ACACA: variants seen among roughly 807,000 people sequenced by gnomAD.
The protein encoded by ACACA is acetyl-CoA carboxylase 1.
A neutral mutation model predicts 296.1 loss-of-function variants in ACACA; 103 were observed. The ratio of observed to expected loss-of-function variants is 0.35; its 90% CI spans 0.30 to 0.41. The LOEUF (loss-of-function observed/expected upper bound fraction) is 0.41. Ranked by LOEUF, ACACA falls within the 10% of genes least tolerant of loss-of-function variation. ACACA has a pLI of 1.00. For missense variants in ACACA, 1,554 were observed against 2,989.7 expected, an observed-to-expected ratio of 0.52 and a Z score of 11.20; for synonymous variants, 953 against 1,038.6, an observed-to-expected ratio of 0.92 and a Z score of 1.58.
At chr17:37,364,432 A>G (rs1011721803) in intron 1 of ACACA, among the ~76,000 whole-genome samples, 1 of 151,972 alleles carries the variant, frequency 6.6e-6, no homozygotes, top group African/African-American at 2.4e-5. Context: ...CATGTCTAGT[A>G]AAAGTACAAA....
chr17:37,155,795 T>C lies in ACACA; in HGVS notation c.5350-15A>G, dbSNP rs768182752. ...TACCTGTATCCCTGTGAAGCACAAA[T>C]AGTTTTTAACTCATTATTTGCCATT... On this transcript the variant is annotated splice_polypyrimidine_tract_variant and intron_variant, in intron 42 of 55. Transcript: ENST00000616317. 1.3e-6 allele frequency: 2 copies of C among 1,526,924 alleles called. No homozygotes were observed. The highest frequency in any genetic ancestry group is 2.2e-5 in the South Asian group (2 of 89,268). The allele number at this position is 1,526,924 out of a possible 1,614,324, so 94.6% of individuals were successfully genotyped here.
intron 24 of ACACA, among the ~76,000 whole-genome samples, chr17:37,236,769 G>A (rs1456008129): frequency 6.6e-6 from 1 of 152,262 alleles, no homozygotes. Context: ...AAGTTGCAGT[G>A]AGCAGAGATT....
chr17:37,111,382 C>T, intron 52 of ACACA, 149 bp downstream of exon 52: 1 of 726,888 alleles, frequency 1.4e-6, no homozygotes, highest in Non-Finnish European at 2.5e-6. Context: ...TTTCATTCTA[C>T]CAGGGTTCTT....
intron 24 of ACACA, among the ~76,000 whole-genome samples, chr17:37,236,481 T>TG (rs1462825285): frequency 6.6e-6 from 1 of 151,312 alleles, no homozygotes; most frequent in African/African-American, 2.4e-5. Flanking sequence ...CTTTCTTGTT[T>TG]TTTTTTTTTT....
intron 1 of ACACA, among the ~76,000 whole-genome samples, chr17:37,382,051 T>C (rs2050316853): frequency 6.6e-6 from 1 of 152,202 alleles, no homozygotes; most frequent in Admixed American, 6.5e-5. Context: ...CTTTTTTCTT[T>C]TAATAAATTC....
intron 48 of ACACA, 107 bp downstream of exon 48, chr17:37,125,591 G>C (rs752510865): frequency 8.4e-6 from 9 of 1,077,096 alleles, no homozygotes; most frequent in Non-Finnish European, 1.3e-5. Context: ...TTCTCAGACA[G>C]TTCAGACAAA....
At chr17:37,174,020 A>ATATT (rs552735515) in intron 41 of ACACA, among the ~76,000 whole-genome samples, 10 of 16,790 alleles carry the variant, frequency 6.0e-4, no homozygotes, top group Non-Finnish European at 6.9e-4. Context: ...ATATATATAT[A>ATATT]TTTTTTTTTT....
intron 3 of ACACA, among the ~76,000 whole-genome samples, chr17:37,288,220 CTTTT>C (rs2082881570): frequency 6.6e-6 from 1 of 151,956 alleles, no homozygotes; most frequent in South Asian, 2.1e-4. Context: ...TTCATACATT[CTTTT>C]TAATTTTTTT....
At chr17:37,358,453 C>CA (rs1287493354) in intron 1 of ACACA, among the ~76,000 whole-genome samples, 24 of 152,244 alleles carry the variant, frequency 1.6e-4, no homozygotes, top group African/African-American at 5.8e-4. Flanking sequence ...CAGGAACTGG[C>CA]AGATACAACC....
At chr17:37,106,776 A>G (rs1241340273) in intron 52 of ACACA, among the ~76,000 whole-genome samples, 1 of 151,888 alleles carries the variant, frequency 6.6e-6, no homozygotes, top group Non-Finnish European at 1.5e-5. Context: ...GGACCAAGAC[A>G]CATTCTGATG....
intron 24 of ACACA, among the ~76,000 whole-genome samples, chr17:37,238,952 G>A (rs568810551): frequency 1.3e-5 from 2 of 152,158 alleles, no homozygotes; most frequent in East Asian, 1.9e-4. Context: ...TCAGCCTCTT[G>A]AGTAGGTAGG....
intron 35 of ACACA, among the ~76,000 whole-genome samples, chr17:37,197,831 A>G (rs1320730692): frequency 6.6e-6 from 1 of 152,256 alleles, no homozygotes; most frequent in Non-Finnish European, 1.5e-5. Context: ...CTGCCATTCA[A>G]TTCTTCAGAG....
intron 29 of ACACA, among the ~76,000 whole-genome samples, chr17:37,212,952 C>T (rs958232889): frequency 6.7e-6 from 1 of 149,390 alleles, no homozygotes; most frequent in Non-Finnish European, 1.5e-5. Flanking sequence ...AGATTGTATA[C>T]GAGTCAAATA....
chr17:37,338,707 G>C (rs1487808226), intron 2 of ACACA, among the ~76,000 whole-genome samples: 1 of 151,974 alleles, frequency 6.6e-6, no homozygotes, highest in Non-Finnish European at 1.5e-5. Flanking sequence ...GGGAGGCCAA[G>C]GTGAGCGGAT....
chr17:37,379,346 T>C (rs767879099), intron 1 of ACACA: 24 of 1,613,744 alleles, frequency 1.5e-5, no homozygotes, highest in Non-Finnish European at 1.9e-5. Flanking sequence ...AATCCCCACA[T>C]CCAAGTTTCA....
chr17:37,322,004 T>C (rs2047381742), intron 3 of ACACA, among the ~76,000 whole-genome samples: 1 of 151,754 alleles, frequency 6.6e-6, no homozygotes, highest in Non-Finnish European at 1.5e-5. Context: ...ATTAACATAC[T>C]ATGACTAGTA....
intron 1 of ACACA, among the ~76,000 whole-genome samples, chr17:37,372,829 A>C (rs1487001344): frequency 6.6e-6 from 1 of 152,122 alleles, no homozygotes; most frequent in Non-Finnish European, 1.5e-5. Context: ...GTAGAGAAAT[A>C]GTCTATTAGA....
chr17:37,123,551 C>G (rs2074626931), intron 48 of ACACA, among the ~76,000 whole-genome samples: 1 of 152,142 alleles, frequency 6.6e-6, no homozygotes, highest in Non-Finnish European at 1.5e-5. Context: ...TATAGTCTCT[C>G]ATTTCTCACA....
intron 14 of ACACA, among the ~76,000 whole-genome samples, chr17:37,257,434 G>A (rs1052542675): frequency 2.0e-5 from 3 of 151,964 alleles, no homozygotes; most frequent in Non-Finnish European, 2.9e-5. Flanking sequence ...TACCTTTAAA[G>A]CAATCAATTT....
Sources: allele counts gnomAD v4.1 joint callset (sites outside exome capture counted in the v4.1 genomes callset), GRCh38; gene constraint gnomAD v4.1.1; transcripts MANE v1.5; gene names NCBI Gene and HGNC (gene_info 2026-07-23, HGNC 2026-07-21).